HEXB: variants seen among roughly 807,000 people sequenced by gnomAD.
The protein encoded by HEXB is beta-hexosaminidase subunit beta.
In HEXB, 51 loss-of-function variants were observed where a neutral mutation model predicts 71.2. The ratio of observed to expected loss-of-function variants is 0.72; its 90% CI spans 0.57 to 0.90. The LOEUF (loss-of-function observed/expected upper bound fraction) is 0.90. Among genes scored for constraint, HEXB ranks in the 40% least tolerant of loss-of-function variants. The pLI is 0.00. For missense variants in HEXB, 617 were observed against 677.0 expected (o/e 0.91, Z 0.98); for synonymous variants, 266 against 249.3 (o/e 1.07, Z -0.63).
At chr5:74,646,162 T>C (rs948979312) in intron 1 of HEXB, among the ~76,000 whole-genome samples, 1 of 152,180 alleles carries the variant, frequency 6.6e-6, no homozygotes, top group African/African-American at 2.4e-5. Flanking sequence ...GTAAAGTACA[T>C]AGAACAGTGC....
intron 8 of HEXB, 70 bp from the exon 9 acceptor site, chr5:74,716,517 G>A (rs2112176865): frequency 1.1e-6 from 1 of 891,762 alleles, no homozygotes; most frequent in East Asian, 2.5e-5. Flanking sequence ...TGTTAGGCAT[G>A]TATACTGCTC....
intron 5 of HEXB, among the ~76,000 whole-genome samples, chr5:74,699,400 G>T (rs187584230): frequency 1.3e-5 from 2 of 151,570 alleles, no homozygotes; most frequent in Non-Finnish European, 1.5e-5. Flanking sequence ...TCTGTCTCTC[G>T]AGTAGCTGGG....
At chr5:74,711,727 CAAT>C (rs1421946450) in intron 6 of HEXB, among the ~76,000 whole-genome samples, 1 of 151,984 alleles carries the variant, frequency 6.6e-6, no homozygotes, top group Non-Finnish European at 1.5e-5. Context: ...ATCAAAACCA[CAAT>C]GAGATACCAT....
chr5:74,659,389 G>A (rs1442345798), intron 1 of HEXB, among the ~76,000 whole-genome samples: 7 of 152,198 alleles, frequency 4.6e-5, no homozygotes, highest in Admixed American at 4.6e-4. Context: ...TGCAGGGCAG[G>A]TGGAGGGCTG....
intron 11 of HEXB, chr5:74,720,126 T>C: frequency 2.7e-6 from 1 of 371,296 alleles, no homozygotes; most frequent in Non-Finnish European, 5.0e-6. Context: ...CCAGGTAAGT[T>C]TGCATAAAAC....
intron 5 of HEXB, among the ~76,000 whole-genome samples, chr5:74,702,944 T>C (rs1217171550): frequency 6.6e-6 from 1 of 152,180 alleles, no homozygotes; most frequent in Admixed American, 6.5e-5. Context: ...ATCTGTTACT[T>C]TCCCTGTTTT....
intron 6 of HEXB, among the ~76,000 whole-genome samples, chr5:74,707,833 A>C (rs1474131462): frequency 1.7e-5 from 2 of 117,386 alleles, no homozygotes; most frequent in African/African-American, 3.1e-5. Context: ...TGAAAGTGAA[A>C]GTGACGGGGA....
chr5:74,716,729 G>C, intron 9 of HEXB, 56 bp downstream of exon 9: 1 of 1,096,362 alleles, frequency 9.1e-7, no homozygotes, highest in Non-Finnish European at 1.4e-6. Context: ...AGTTTATTTA[G>C]TAATGTGCTT....
In HEXB at chr5:74,652,892, G is replaced by A. The variant is rs1397949307; in HGVS notation, c.-377+12334G>A. On this transcript the variant is annotated intron_variant, in intron 1 of 13. Coordinates refer to the HEXB transcript ENST00000511181. This position sits in a 1 kb window ranked among gnomAD's most constrained non-coding sequence, Gnocchi z 5.4. Reference sequence around the variant, plus strand: ...CTCTTGGGCGACTACACACATCTACGCTAGTGACACATATCCCTTTATATA... The same window carrying A: ...CTCTTGGGCGACTACACACATCTACACTAGTGACACATATCCCTTTATATA... Among the ~76,000 whole-genome samples the A allele has an allele frequency of 4.6e-5, 7 of 152,120 alleles. No individual in the cohort carries two copies. Among genetic ancestry groups the A allele is most frequent in the East Asian group, 1.9e-4 (1 of 5,198 alleles).
chr5:74,643,891 G>A (rs945847268), intron 1 of HEXB, among the ~76,000 whole-genome samples: 2 of 152,146 alleles, frequency 1.3e-5, no homozygotes, highest in East Asian at 1.9e-4. Context: ...TTCCAAAAGC[G>A]CCCTCTTTGT....
At chr5:74,689,101 A>G (rs1748937190) in intron 1 of HEXB, among the ~76,000 whole-genome samples, 1 of 152,194 alleles carries the variant, frequency 6.6e-6, no homozygotes, top group Non-Finnish European at 1.5e-5. Context: ...TAAAATTCCC[A>G]TGCCTGAATC....
At chr5:74,678,906 T>C (rs1413289633) in intron 1 of HEXB, among the ~76,000 whole-genome samples, 2 of 152,188 alleles carry the variant, frequency 1.3e-5, no homozygotes, top group Non-Finnish European at 2.9e-5. Flanking sequence ...AGTTATAAAA[T>C]GGTTATTTTA....
At chr5:74,715,717 A>T (rs1235677626) in intron 8 of HEXB, 27 bp downstream of exon 8, 19 of 427,896 alleles carry the variant, frequency 4.4e-5, no homozygotes, top group Non-Finnish European at 6.6e-5. Flanking sequence ...AAACCCCTTT[A>T]AAAAAAAAAA....
At chr5:74,646,380 T>C (rs941779544) in intron 1 of HEXB, among the ~76,000 whole-genome samples, 15 of 152,154 alleles carry the variant, frequency 9.9e-5, no homozygotes, top group African/African-American at 3.6e-4. Context: ...TTGAATGAGT[T>C]CACAGATCTC....
chr5:74,694,970 A>C (rs535060164), intron 3 of HEXB, among the ~76,000 whole-genome samples: 5 of 152,138 alleles, frequency 3.3e-5, no homozygotes, highest in Non-Finnish European at 7.3e-5. Flanking sequence ...ACTCCATCTC[A>C]AAAAACAAAA....
chr5:74,642,215 G>A (rs1051294877), intron 1 of HEXB, among the ~76,000 whole-genome samples: 1 of 152,152 alleles, frequency 6.6e-6, no homozygotes, highest in Non-Finnish European at 1.5e-5. Flanking sequence ...GCCCTCTGAA[G>A]TCCTTTGTTA....
At chr5:74,682,492 GA>G (rs1164627639), upstream of HEXB, among the ~76,000 whole-genome samples, 1 of 152,250 alleles carries the variant, frequency 6.6e-6, no homozygotes, top group Non-Finnish European at 1.5e-5. Context: ...CTAAATTCCT[GA>G]ACCACAAGAA....
At chr5:74,653,123 G>T (rs1748151896) in intron 1 of HEXB, among the ~76,000 whole-genome samples, 1 of 152,156 alleles carries the variant, frequency 6.6e-6, no homozygotes. Context: ...AAAGAGTCAG[G>T]TGGTTACACA....
chr5:74,658,390 C>T (rs1205520726), intron 1 of HEXB, among the ~76,000 whole-genome samples: 2 of 152,186 alleles, frequency 1.3e-5, no homozygotes, highest in Non-Finnish European at 2.9e-5. Context: ...GACAGGTCAG[C>T]CTTTGCCCTG....
Sources: allele counts gnomAD v4.1 joint callset (sites outside exome capture counted in the v4.1 genomes callset), GRCh38; gene constraint gnomAD v4.1.1; non-coding constraint Gnocchi (gnomAD v3.1); transcripts MANE v1.5; gene names NCBI Gene and HGNC (gene_info 2026-07-23, HGNC 2026-07-21).